Variants in DISP3 observed in about 807,000 individuals in gnomAD.
DISP3 encodes dispatched RND transporter family member 3, also known as protein dispatched homolog 3.
A neutral mutation model predicts 135.3 loss-of-function variants in DISP3; 101 were observed. That is an observed-to-expected ratio of 0.75 (90% confidence interval 0.64 to 0.88). The LOEUF is 0.88. Ranked by LOEUF, DISP3 falls within the 40% of genes least tolerant of loss-of-function variation. The probability of loss-of-function intolerance (pLI) is 0.00; values close to 1 mark genes in which losing one functional copy is unlikely to be tolerated. For synonymous variants in DISP3, 856 were observed against 817.0 expected, an observed-to-expected ratio of 1.05 and a Z score of -0.81; for missense variants, 1,713 against 1,878.6, an observed-to-expected ratio of 0.91 and a Z score of 1.63.
At chr1:11,527,315 C>T (rs1195317606) in intron 13 of DISP3, among the ~76,000 whole-genome samples, 7 of 151,998 alleles carry the variant, frequency 4.6e-5, no homozygotes, top group East Asian at 2.0e-4. Context: ...CTCGGGAGGC[C>T]GAGGTGGGCG....
chr1:11,517,671 G>A (rs1642053344), intron 7 of DISP3, 69 bp downstream of exon 7: 2 of 1,562,112 alleles, frequency 1.3e-6, no homozygotes, highest in East Asian at 4.5e-5. Flanking sequence ...ACTCAGTGCA[G>A]CAACCTCTCT....
chr1:11,521,559 G>A (rs1486627080), intron 10 of DISP3, among the ~76,000 whole-genome samples: 1 of 142,130 alleles, frequency 7.0e-6, no homozygotes, highest in Non-Finnish European at 1.5e-5. Flanking sequence ...GGCGGGGAGG[G>A]GAGAGGAGGG....
chr1:11,523,246 A>C (rs1642299151), intron 10 of DISP3, among the ~76,000 whole-genome samples: 1 of 152,082 alleles, frequency 6.6e-6, no homozygotes, highest in Admixed American at 6.6e-5. Flanking sequence ...AATTTAAAAA[A>C]CCCAAAGGAA....
intron 17 of DISP3, chr1:11,533,671 A>G (rs1389469932): frequency 3.0e-6 from 2 of 663,884 alleles, no homozygotes; most frequent in Non-Finnish European, 5.5e-6. Context: ...AGAAGTCCCC[A>G]CTCAGGCTCA....
intron 11 of DISP3, among the ~76,000 whole-genome samples, chr1:11,524,665 A>G (rs1291378165): frequency 1.8e-5 from 1 of 56,828 alleles, no homozygotes; most frequent in Admixed American, 2.4e-4. Flanking sequence ...CCCTGTGCCC[A>G]CCATCCCTGC....
At chr1:11,514,770 C>T (rs187771140) in intron 4 of DISP3, among the ~76,000 whole-genome samples, 1 of 152,360 alleles carries the variant, frequency 6.6e-6, no homozygotes, top group East Asian at 1.9e-4. Context: ...GGACCTTTTG[C>T]CTGTTGACCA....
rs1642724053 is a variant in DISP3, at chr1:11,536,929, T to C, written c.*243T>C. On this transcript the variant is annotated 3_prime_UTR_variant, in exon 21 of 21. Transcript: ENST00000294484. The surrounding 1 kb of genome is among the most constrained non-coding windows in gnomAD (Gnocchi z 4.3). ...CAGCCACACTCGGCTTTTTGCCCAG[T>C]GGCAGAAGAGACCAGCCCTCCTCCC... 1.7e-6 allele frequency: 1 copy of C among 579,902 alleles called. No homozygotes were observed. The highest frequency in any genetic ancestry group is 1.9e-5 in the African/African-American group (1 of 53,450). 35.9% of individuals were successfully genotyped at this position (579,902 alleles called of 1,614,324 possible). A position where few individuals can be genotyped will look rare whatever the true frequency, so the allele number is the denominator to read the frequency against.
rs12565184 is a variant in DISP3, at chr1:11,491,840, T to C, written c.-3-9150T>C. Among the ~76,000 whole-genome samples, 73,633 of 151,918 alleles carry C rather than the reference T, an allele frequency of 0.48. 19,774 individuals carry two copies. Among genetic ancestry groups the C allele is most frequent in the East Asian group, 0.73 (3,738 of 5,136 alleles). ...TCTGGCTGGCTAAGAAGTTAATAAT[T>C]GGCCGGGCGCGGTGGCTCACGCCTG... On this transcript the variant is annotated intron_variant, in intron 1 of 20. Transcript: ENST00000294484. This position sits in a 1 kb window ranked among gnomAD's most constrained non-coding sequence, Gnocchi z 4.3.
intron 3 of DISP3, among the ~76,000 whole-genome samples, chr1:11,508,503 TGTA>T (rs1641767910): frequency 6.6e-6 from 1 of 152,208 alleles, no homozygotes; most frequent in Non-Finnish European, 1.5e-5. Flanking sequence ...TTGTAGAAAT[TGTA>T]GTGGTGTCAC....
At chr1:11,497,027 G>A (rs1258818499) in intron 1 of DISP3, among the ~76,000 whole-genome samples, 1 of 152,164 alleles carries the variant, frequency 6.6e-6, no homozygotes, top group Admixed American at 6.5e-5. Context: ...CAGGCACGGG[G>A]TGGGGAGGGT....
At chr1:11,488,331 T>TC (rs71568335) in intron 1 of DISP3, among the ~76,000 whole-genome samples, 3 of 152,000 alleles carry the variant, frequency 2.0e-5, no homozygotes, top group Admixed American at 6.5e-5. Context: ...AGTGTCAGAC[T>TC]CCCCCCACCC....
At chr1:11,484,365 A>AT (rs1433937940) in intron 1 of DISP3, among the ~76,000 whole-genome samples, 1 of 152,172 alleles carries the variant, frequency 6.6e-6, no homozygotes, top group African/African-American at 2.4e-5. Context: ...TTTGGAACTA[A>AT]TGCCAAGGGG....
intron 17 of DISP3, among the ~76,000 whole-genome samples, chr1:11,534,007 A>G (rs182897908): frequency 6.6e-6 from 1 of 152,170 alleles, no homozygotes; most frequent in Non-Finnish European, 1.5e-5. Flanking sequence ...AAGGAGGCCC[A>G]CCTTGGGGCA....
At position 11,531,126 on chromosome 1, in the gene DISP3, A is replaced by G. The variant is rs1642566210; in HGVS notation, c.3229+93A>G. On this transcript the variant is annotated intron_variant, in intron 16 of 20. Coordinates refer to ENST00000294484, the MANE Select transcript of DISP3 (RefSeq NM_020780.2). The surrounding 1 kb of genome is among the most constrained non-coding windows in gnomAD (Gnocchi z 5.2). ...TGGTCCAAGGTAGACAGCCCGAAGG[A>G]CAGTGTCTGGCATGTGGGGGTCTTT... The G allele has an allele frequency of 1.3e-5, 21 of 1,559,448 alleles. No individual in the cohort carries two copies. Among genetic ancestry groups the G allele is most frequent in the Non-Finnish European group, 1.8e-5 (21 of 1,152,422 alleles).
At chr1:11,514,823 T>C (rs898580972) in intron 4 of DISP3, among the ~76,000 whole-genome samples, 3 of 152,218 alleles carry the variant, frequency 2.0e-5, no homozygotes. Flanking sequence ...GTCTGGGGTA[T>C]TGTATTCCTT....
chr1:11,487,380 C>T (rs896503204), intron 1 of DISP3, among the ~76,000 whole-genome samples: 1 of 152,224 alleles, frequency 6.6e-6, no homozygotes, highest in African/African-American at 2.4e-5. Flanking sequence ...CTGAGCCCAG[C>T]TCTGGGGTAA....
chr1:11,520,935 C>G lies in DISP3; in HGVS notation c.2362+87C>G. 7.0e-7 allele frequency: 1 copy of G among 1,420,626 alleles called. No homozygotes were observed. The highest frequency in any genetic ancestry group is 9.4e-7 in the Non-Finnish European group (1 of 1,060,322). 88.0% of individuals were successfully genotyped at this position (1,420,626 alleles called of 1,614,324 possible). Reference sequence around the variant, plus strand: ...GTCTGAGAGATGCAGGATCCAGGGTCCCCATCAATGCCAGACCTCAGGCAA... The same window carrying G: ...GTCTGAGAGATGCAGGATCCAGGGTGCCCATCAATGCCAGACCTCAGGCAA... On this transcript the variant is annotated intron_variant, in intron 10 of 20. Transcript: ENST00000294484. This position sits in a 1 kb window ranked among gnomAD's most constrained non-coding sequence, Gnocchi z 4.8.
rs577642165 is a variant in DISP3, at chr1:11,529,932, G to C, written c.3075G>C (p.Gln1025His). Residue 1025 changes from glutamine to histidine, a missense_variant, in exon 15 of 21, where the codon CAG becomes CAC. By Grantham distance (24) the Gln-to-His change is conservative (BLOSUM62 0). This residue lies in a region of DISP3 where 1,142 missense variants were observed against 1,384.6 expected (regional missense o/e 0.82). Coordinates refer to ENST00000294484, the MANE Select transcript of DISP3 (RefSeq NM_020780.2). This position sits in a 1 kb window ranked among gnomAD's most constrained non-coding sequence, Gnocchi z 4.7. ...TTATTGGCGTCAACCGCACTCGGCA[G>C]GTGGACAACCACGTCATTGGAGACC... is the stretch of plus-strand genomic sequence containing the variant. ...FGIIGVNRTR[Q>H]VDNHVIGDPG... 6.2e-7 allele frequency: 1 copy of C among 1,613,626 alleles called. No individual in the cohort carries two copies. Among genetic ancestry groups the C allele is most frequent in the African/African-American group, 1.3e-5 (1 of 75,076 alleles).
chr1:11,528,181 T>C (rs1209756153), intron 13 of DISP3, among the ~76,000 whole-genome samples: 5 of 152,208 alleles, frequency 3.3e-5, no homozygotes, highest in Non-Finnish European at 7.3e-5. Flanking sequence ...CCCTGCCCCT[T>C]CTGCTGGAAG....
Sources: gnomAD v4.1 joint callset for allele counts (sites outside exome capture counted in the v4.1 genomes callset) on GRCh38, gnomAD v4.1.1 for gene constraint, gnomAD v4.1.1 regional missense constraint, Gnocchi (gnomAD v3.1) non-coding constraint, MANE v1.5 for transcripts, NCBI Gene and HGNC (gene_info 2026-07-23, HGNC 2026-07-21) for gene names.